Variants in NALF1 observed in about 807,000 individuals in gnomAD.
NALF1 encodes the protein NALCN channel auxiliary factor 1, also known as family with sequence similarity 155 member A.
NALF1 carries 3 observed loss-of-function variants against 48.4 expected under a neutral mutation model. The observed-to-expected ratio is 0.06, with a 90% CI of 0.03 to 0.16. The LOEUF (loss-of-function observed/expected upper bound fraction) is 0.16, where lower values mean the gene tolerates loss of function less well. NALF1 is among the 10% of genes least tolerant of loss of function. The probability of loss-of-function intolerance (pLI) is 1.00; values close to 1 mark genes in which losing one functional copy is unlikely to be tolerated. For missense variants in NALF1, 526 were observed against 571.5 expected (o/e 0.92, Z 0.81); for synonymous variants, 262 against 245.7 (o/e 1.07, Z -0.62).
At chr13:107,195,903 G>T (rs1181028772) in intron 2 of NALF1, among the ~76,000 whole-genome samples, 1 of 152,084 alleles carries the variant, frequency 6.6e-6, no homozygotes, top group Non-Finnish European at 1.5e-5. Context: ...TAACAGCAGG[G>T]AAATCATCAA....
At position 107,865,960 on chromosome 13, in the gene NALF1, T is replaced by C; in HGVS notation, c.637A>G (p.Thr213Ala). 6.2e-7 allele frequency: 1 copy of C among 1,612,334 alleles called. No homozygotes were observed. The highest frequency in any genetic ancestry group is 8.5e-7 in the Non-Finnish European group (1 of 1,179,624). Reference protein sequence around the residue: ...DGQEVRSKHPTPLWNLSDFYL... With the variant: ...DGQEVRSKHPAPLWNLSDFYL... ...AAATCCGACAAGTTCCAGAGCGGAG[T>C]GGGATGCTTGCTCCTCACCTCCTGC... The change falls in exon 1 of 3, where the codon ACT becomes GCT. Residue 213 changes from threonine to alanine, a missense_variant. Transcript: ENST00000375915.
chr13:107,636,736 T>C (rs539156071), intron 1 of NALF1, among the ~76,000 whole-genome samples: 1 of 151,972 alleles, frequency 6.6e-6, no homozygotes, highest in African/African-American at 2.4e-5. Flanking sequence ...TTTTTTCCAG[T>C]ACAGCAAAGT....
chr13:107,678,935 C>A, intron 1 of NALF1, among the ~76,000 whole-genome samples: 1 of 152,186 alleles, frequency 6.6e-6, no homozygotes. Context: ...GACACAAACC[C>A]TAACCATATC....
chr13:107,381,204 GT>G (rs556942495), intron 1 of NALF1, among the ~76,000 whole-genome samples: 1,859 of 139,150 alleles, frequency 0.013, 22 homozygotes, highest in African/African-American at 0.036. Flanking sequence ...AAAAAATAGA[GT>G]TTTTTTTTTT....
intron 1 of NALF1, among the ~76,000 whole-genome samples, chr13:107,310,235 C>A (rs1042139704): frequency 1.1e-4 from 17 of 151,962 alleles, no homozygotes; most frequent in African/African-American, 4.8e-5. Context: ...CATGGTGAAA[C>A]CCTGTCTCTA....
chr13:107,516,531 G>A (rs1876059165), intron 1 of NALF1, among the ~76,000 whole-genome samples: 1 of 152,004 alleles, frequency 6.6e-6, no homozygotes, highest in Non-Finnish European at 1.5e-5. Context: ...CTGCTTTCAC[G>A]ACATTGCCAG....
intron 1 of NALF1, among the ~76,000 whole-genome samples, chr13:107,390,010 A>G (rs991748080): frequency 2.0e-5 from 3 of 152,140 alleles, no homozygotes; most frequent in Non-Finnish European, 4.4e-5. Context: ...CAATATAGCT[A>G]TATCTACCTC....
chr13:107,295,613 A>G (rs1881710446), intron 1 of NALF1, among the ~76,000 whole-genome samples: 1 of 152,150 alleles, frequency 6.6e-6, no homozygotes, highest in South Asian at 2.1e-4. Flanking sequence ...TCTATTGCTT[A>G]AGGCTTCCCC....
At chr13:107,520,743 C>G (rs74938563) in intron 1 of NALF1, among the ~76,000 whole-genome samples, 217 of 152,294 alleles carry the variant, frequency 1.4e-3, no homozygotes, top group African/African-American at 4.7e-3. Flanking sequence ...CATCATAGAA[C>G]GTTTGCATCA....
chr13:107,297,782 C>T (rs1188603629), intron 1 of NALF1, among the ~76,000 whole-genome samples: 2 of 152,052 alleles, frequency 1.3e-5, no homozygotes, highest in Non-Finnish European at 2.9e-5. Flanking sequence ...TAACAGAAGG[C>T]AATATGGAGC....
chr13:107,572,484 C>T (rs1390960445), intron 1 of NALF1, among the ~76,000 whole-genome samples: 1 of 152,128 alleles, frequency 6.6e-6, no homozygotes, highest in Admixed American at 6.6e-5. Context: ...AAAACTGTCA[C>T]AAAAATGGTG....
chr13:107,749,132 G>C (rs1594242566), intron 1 of NALF1, among the ~76,000 whole-genome samples: 1 of 26,448 alleles, frequency 3.8e-5, no homozygotes, highest in African/African-American at 6.1e-5. Context: ...CTATAATTGT[G>C]TGTGTGTGTG....
chr13:107,653,065 T>TA lies in NALF1; in HGVS notation c.915+212616dup, dbSNP rs1880486749. On this transcript the variant is annotated intron_variant, in intron 1 of 2. Coordinates refer to ENST00000375915, the MANE Select transcript of NALF1 (RefSeq NM_001080396.3). The stretch of plus-strand genomic sequence containing the variant: ...TCATAAACAATGGCAGAAAAGATGG[T>TA]AAAACACTCCTGGTATCTTTATGTG... 2.6e-5 allele frequency among the ~76,000 whole-genome samples: 4 copies of TA among 152,176 alleles called. No homozygotes were observed. In the South Asian group the frequency reaches 8.3e-4, roughly 31 times the overall value.
intron 1 of NALF1, among the ~76,000 whole-genome samples, chr13:107,583,328 ATGTTATCAACATTTT>A (rs1878366918): frequency 6.6e-6 from 1 of 152,182 alleles, no homozygotes; most frequent in Non-Finnish European, 1.5e-5. Flanking sequence ...TGTTCAAATA[ATGTTATCAACATTTT>A]TACATTGTCA....
At chr13:107,782,243 C>G (rs1045741917) in intron 1 of NALF1, among the ~76,000 whole-genome samples, 1 of 152,184 alleles carries the variant, frequency 6.6e-6, no homozygotes, top group African/African-American at 2.4e-5. Flanking sequence ...TTGGTGGAGA[C>G]GGGGTTTCGC....
At chr13:107,248,576 T>C (rs1040997746) in intron 1 of NALF1, among the ~76,000 whole-genome samples, 10 of 148,342 alleles carry the variant, frequency 6.7e-5, no homozygotes, top group Non-Finnish European at 1.3e-4. Context: ...TCTAGTATGG[T>C]AGCCAGTAGC....
intron 1 of NALF1, among the ~76,000 whole-genome samples, chr13:107,492,042 G>T (rs2476771): frequency 0.64 from 62,928 of 98,792 alleles, 17,493 homozygotes; most frequent in Middle Eastern, 0.72. Flanking sequence ...GTTTTTTTTT[G>T]TTTTTTTTTT....
At chr13:107,713,435 C>T (rs7320972) in intron 1 of NALF1, among the ~76,000 whole-genome samples, 136,158 of 152,202 alleles carry the variant, frequency 0.89, 61,350 homozygotes, top group East Asian at 1. Flanking sequence ...TACTACATGC[C>T]AGGTGCTGTG....
At chr13:107,284,702 T>G (rs1881457548) in intron 1 of NALF1, among the ~76,000 whole-genome samples, 1 of 152,110 alleles carries the variant, frequency 6.6e-6, no homozygotes. Flanking sequence ...ATTAGTGTCA[T>G]AAAGAAGCAG....
Sources: allele counts gnomAD v4.1 joint callset (sites outside exome capture counted in the v4.1 genomes callset), GRCh38; gene constraint gnomAD v4.1.1; transcripts MANE v1.5; gene names NCBI Gene and HGNC (gene_info 2026-07-23, HGNC 2026-07-21).